Variants in RELN observed in about 807,000 individuals in gnomAD.
RELN encodes reelin.
In RELN, 108 loss-of-function variants were observed where a neutral mutation model predicts 427.6. The observed-to-expected ratio is 0.25, with a 90% confidence interval of 0.22 to 0.30. The LOEUF (loss-of-function observed/expected upper bound fraction) is 0.30. Ranked by LOEUF, RELN falls within the 10% of genes least tolerant of loss-of-function variation. The probability of loss-of-function intolerance (pLI) is 1.00; values close to 1 mark genes in which losing one functional copy is unlikely to be tolerated. For synonymous variants in RELN, 1,524 were observed against 1,513.4 expected (o/e 1.01, Z -0.16); for missense variants, 3,715 against 4,302.8 (o/e 0.86, Z 3.82).
At chr7:103,735,452 G>T (rs941548689) in intron 6 of RELN, among the ~76,000 whole-genome samples, 1 of 152,138 alleles carries the variant, frequency 6.6e-6, no homozygotes, top group African/African-American at 2.4e-5. Flanking sequence ...TGTCCCTGTA[G>T]TCTGGGGTCC....
At chr7:103,915,180 A>G (rs1161031767) in intron 2 of RELN, among the ~76,000 whole-genome samples, 7 of 152,066 alleles carry the variant, frequency 4.6e-5, no homozygotes, top group Non-Finnish European at 7.4e-5. Context: ...TCCTTTGGGT[A>G]TGCTGTGCCC....
chr7:103,989,357 G>GCCGCCGCCGCCGCCA lies in RELN; in HGVS notation c.-2_-1insTGGCGGCGGCGGCGG. On this transcript the variant is annotated 5_prime_UTR_variant, in exon 1 of 65. Transcript: ENST00000428762. This position sits in a 1 kb window ranked among gnomAD's most constrained non-coding sequence, Gnocchi z 4.9. ...GCCGGGCCCAGCCACTGCGCTCCAT[G>GCCGCCGCCGCCGCCA]CCGCCGCCGCCGCCGCCGCCGCCGC... 8.8e-7 allele frequency: 1 copy of GCCGCCGCCGCCGCCA among 1,138,682 alleles called. No homozygotes were observed. The highest frequency in any genetic ancestry group is 1.1e-6 in the Non-Finnish European group (1 of 916,096). 70.5% of individuals were successfully genotyped at this position (1,138,682 alleles called of 1,614,324 possible).
At chr7:103,930,434 G>A (rs894336043) in intron 1 of RELN, among the ~76,000 whole-genome samples, 1 of 151,568 alleles carries the variant, frequency 6.6e-6, no homozygotes, top group East Asian at 1.9e-4. Context: ...GGCGGGGGAC[G>A]GGTGGGGGGT....
chr7:103,704,652 T>C (rs1243976076), intron 8 of RELN, among the ~76,000 whole-genome samples: 1 of 151,800 alleles, frequency 6.6e-6, no homozygotes, highest in Non-Finnish European at 1.5e-5. Flanking sequence ...CTTACAAACA[T>C]CTACCAATGC....
At chr7:103,487,252 T>C (rs1255620182) in intron 60 of RELN, among the ~76,000 whole-genome samples, 1 of 151,934 alleles carries the variant, frequency 6.6e-6, no homozygotes, top group Non-Finnish European at 1.5e-5. Context: ...CACTGGGGCC[T>C]GTTGGGGCAG....
chr7:103,921,063 A>G (rs970538343), intron 1 of RELN, among the ~76,000 whole-genome samples: 7 of 152,186 alleles, frequency 4.6e-5, no homozygotes, highest in African/African-American at 1.7e-4. Flanking sequence ...GAGACAGAAA[A>G]CTAAGCAACT....
chr7:103,490,610 ATGAACTCTG>A, intron 59 of RELN, 49 bp downstream of exon 59: 14 of 1,571,988 alleles, frequency 8.9e-6, no homozygotes, highest in Non-Finnish European at 1.2e-5. Flanking sequence ...AGCTCACTGC[ATGAACTCTG>A]TAGAGAGGCC....
At chr7:103,773,118 T>TTCTTTCTTTCTTTCTTTCTTTCTC (rs1791617133) in intron 4 of RELN, among the ~76,000 whole-genome samples, 3 of 78,944 alleles carry the variant, frequency 3.8e-5, no homozygotes, top group East Asian at 5.0e-4. Flanking sequence ...CTTTCTTTCT[T>TTCTTTCTTTCTTTCTTTCTTTCTC]TCTTTCTTTC....
chr7:103,653,703 C>T (rs1247170602), intron 13 of RELN, among the ~76,000 whole-genome samples: 1 of 152,004 alleles, frequency 6.6e-6, no homozygotes, highest in Non-Finnish European at 1.5e-5. Flanking sequence ...GCAAAGATAA[C>T]CTGTGCTTCT....
intron 17 of RELN, among the ~76,000 whole-genome samples, chr7:103,638,075 A>T (rs188535982): frequency 2.4e-3 from 204 of 83,340 alleles, no homozygotes; most frequent in South Asian, 4.0e-3. Flanking sequence ...AATATTTTTT[A>T]AAAAAAACAA....
intron 1 of RELN, among the ~76,000 whole-genome samples, chr7:103,976,286 G>A (rs1009112484): frequency 2.0e-5 from 3 of 152,208 alleles, no homozygotes; most frequent in Non-Finnish European, 4.4e-5. Flanking sequence ...GGCTGTTACA[G>A]GCAAATGGGG....
At position 103,953,064 on chromosome 7, in the gene RELN, G is replaced by A. The variant is rs74636629; in HGVS notation, c.227-35879C>T. Among the ~76,000 whole-genome samples, 390 of 152,188 alleles carry A rather than the reference G, an allele frequency of 2.6e-3. 4 individuals carry two copies. In the East Asian group the frequency reaches 0.043, roughly 17 times the overall value. On this transcript the variant is annotated intron_variant, in intron 1 of 64. Transcript: ENST00000428762. This position sits in a 1 kb window ranked among gnomAD's most constrained non-coding sequence, Gnocchi z 4.3. ...CTTATGATGGTGACTAGCCACCAAC[G>A]TCTGGTTTCTACCGTTCTCTTCCTC...
chr7:103,926,204 G>A (rs757358401), intron 1 of RELN, among the ~76,000 whole-genome samples: 2 of 141,444 alleles, frequency 1.4e-5, no homozygotes, highest in Non-Finnish European at 3.0e-5. Flanking sequence ...CAGTTCAAGC[G>A]ATTGTTCTGC....
At chr7:103,790,282 A>G (rs1009644612) in intron 3 of RELN, among the ~76,000 whole-genome samples, 4 of 152,168 alleles carry the variant, frequency 2.6e-5, no homozygotes, top group African/African-American at 9.7e-5. Flanking sequence ...ATGTATAACT[A>G]TGTAACAAAC....
Position 103,611,717 on chromosome 7 carries a change from A to C in RELN, c.2789T>G (p.Phe930Cys). 6.2e-7 allele frequency: 1 copy of C among 1,613,924 alleles called. No individual in the cohort carries two copies. The change falls in exon 21 of 65, where the codon TTC becomes TGC. Residue 930 changes from phenylalanine (F) to cysteine (C), a missense_variant. Physicochemically the swap from Phe to Cys is radical, Grantham distance 205. Transcript: ENST00000428762. ...CTGGCCACATCCCATCACCAAACTGAACTGAATCATATAGGATGCTCCTAT... is the reference window on the plus strand; with the variant it reads ...CTGGCCACATCCCATCACCAAACTGCACTGAATCATATAGGATGCTCCTAT... ...MQIGASYMIQFSLVMGCGQKY... is the reference protein window; with the variant it reads ...MQIGASYMIQCSLVMGCGQKY...
chr7:103,561,302 G>T (rs971588083), intron 36 of RELN, among the ~76,000 whole-genome samples: 1 of 152,106 alleles, frequency 6.6e-6, no homozygotes, highest in African/African-American at 2.4e-5. Flanking sequence ...ATTCCAGCAG[G>T]AAGTAAGGAA....
Position 103,510,783 on chromosome 7 carries a change from T to G in RELN, c.8274+68A>C, listed in dbSNP as rs1203800916. 3 of 1,287,332 alleles carry G rather than the reference T, an allele frequency of 2.3e-6. No homozygotes were observed. In the African/African-American group the frequency reaches 4.4e-5, roughly 19 times the overall value. 79.7% of individuals were successfully genotyped at this position (1,287,332 alleles called of 1,614,324 possible). Reference sequence around the variant, plus strand: ...AGTCAATGAAATATTAGATCATCTTTTCTCTGATATTTTTTGTTATATTGC... The same window carrying G: ...AGTCAATGAAATATTAGATCATCTTGTCTCTGATATTTTTTGTTATATTGC... On this transcript the variant is annotated intron_variant, in intron 51 of 64. Transcript: ENST00000428762.
chr7:103,832,471 G>T (rs191140330), intron 3 of RELN, among the ~76,000 whole-genome samples: 115 of 152,274 alleles, frequency 7.6e-4, no homozygotes, highest in African/African-American at 2.5e-3. Flanking sequence ...CAAGGCTCTT[G>T]CATTTTAGTA....
chr7:103,534,059 C>T (rs1214333872), intron 46 of RELN, among the ~76,000 whole-genome samples: 1 of 152,178 alleles, frequency 6.6e-6, no homozygotes, highest in Non-Finnish European at 1.5e-5. Context: ...TAAAGCAGCC[C>T]TAGGCTGTTA....
Sources: allele counts gnomAD v4.1 joint callset (sites outside exome capture counted in the v4.1 genomes callset), GRCh38; gene constraint gnomAD v4.1.1; non-coding constraint Gnocchi (gnomAD v3.1); transcripts MANE v1.5; gene names NCBI Gene and HGNC (gene_info 2026-07-23, HGNC 2026-07-21).